The following STRIP2 variants were observed in gnomAD, a reference collection of about 807,000 sequenced individuals.
The protein encoded by STRIP2 is striatin interacting protein 2.
In STRIP2, 84 loss-of-function variants were observed where a neutral mutation model predicts 107.1. The ratio of observed to expected loss-of-function variants is 0.78; its 90% CI spans 0.66 to 0.94. STRIP2 has a LOEUF of 0.94. STRIP2 is among the 40% of genes least tolerant of loss of function. The pLI is 0.00. For missense variants in STRIP2, 888 were observed against 1,034.2 expected, an observed-to-expected ratio of 0.86 and a Z score of 1.94; for synonymous variants, 394 against 400.4, an observed-to-expected ratio of 0.98 and a Z score of 0.19.
At position 129,483,775 on chromosome 7, in the gene STRIP2, C is replaced by T. The variant is rs1157637142; in HGVS notation, c.2254+729C>T. ...TGTTTGTTTGTTTTTTTGAGAGGGT[C>T]GCTCTGTCACCCAGGCTGGAAAGCA... is the stretch of plus-strand genomic sequence containing the variant. On this transcript the variant is annotated intron_variant, in intron 20 of 20. Transcript: ENST00000249344. This position sits in a 1 kb window ranked among gnomAD's most constrained non-coding sequence, Gnocchi z 5.1. 3 of 152,120 alleles carry T rather than the reference C, an allele frequency of 2.0e-5. No homozygotes were observed. The highest frequency in any genetic ancestry group is 2.1e-4 in the South Asian group (1 of 4,810). The allele number at this position is 152,120 out of a possible 1,614,324, so 9.4% of individuals were successfully genotyped here.
At position 129,435,432 on chromosome 7, in the gene STRIP2, A is replaced by G. The variant is rs553450076; in HGVS notation, c.129+831A>G. Among the ~76,000 whole-genome samples, 43 of 152,338 alleles carry G rather than the reference A, an allele frequency of 2.8e-4. No individual in the cohort carries two copies. The South Asian group carries it at 2.9e-3, about 10-fold the overall frequency. ...ATCAGATGTGGCAGGGTCTGCAGATATCATCTGGTATAACCCTTTCATTTT... is the reference window on the plus strand; with the variant it reads ...ATCAGATGTGGCAGGGTCTGCAGATGTCATCTGGTATAACCCTTTCATTTT... On this transcript the variant is annotated intron_variant, in intron 1 of 20. Transcript: ENST00000249344.
chr7:129,460,780 C>T (rs1160389058), intron 13 of STRIP2, among the ~76,000 whole-genome samples: 1 of 152,140 alleles, frequency 6.6e-6, no homozygotes, highest in East Asian at 1.9e-4. Context: ...GGAAAGCAGG[C>T]TTAAGAGTGT....
chr7:129,456,406 T>C, intron 8 of STRIP2, 33 bp from the exon 9 acceptor site: 1 of 1,593,924 alleles, frequency 6.3e-7, no homozygotes, highest in Non-Finnish European at 8.6e-7. Context: ...CCTTCCTTCC[T>C]CTCTCTCTGC....
At chr7:129,440,801 C>T (rs947293419) in intron 2 of STRIP2, among the ~76,000 whole-genome samples, 1 of 152,250 alleles carries the variant, frequency 6.6e-6, no homozygotes, top group East Asian at 1.9e-4. Flanking sequence ...TATTAATAAA[C>T]AAGCTTTGGG....
chr7:129,439,600 G>T (rs1261454616), intron 1 of STRIP2, among the ~76,000 whole-genome samples: 1 of 152,146 alleles, frequency 6.6e-6, no homozygotes, highest in African/African-American at 2.4e-5. Flanking sequence ...ATGATCCACA[G>T]CATGAGACTT....
chr7:129,480,546 C>T (rs1799090677), intron 18 of STRIP2, among the ~76,000 whole-genome samples: 1 of 152,190 alleles, frequency 6.6e-6, no homozygotes, highest in South Asian at 2.1e-4. Flanking sequence ...GGTTCCTGTG[C>T]TCATGTATCA....
At chr7:129,452,367 G>T (rs1282281023) in intron 4 of STRIP2, among the ~76,000 whole-genome samples, 1 of 151,930 alleles carries the variant, frequency 6.6e-6, no homozygotes, top group Non-Finnish European at 1.5e-5. Context: ...CGTGTTAACA[G>T]AACCAACCAG....
At chr7:129,443,163 C>A (rs533433651) in intron 2 of STRIP2, among the ~76,000 whole-genome samples, 1 of 152,068 alleles carries the variant, frequency 6.6e-6, no homozygotes, top group East Asian at 1.9e-4. Flanking sequence ...CCTCAGCCTC[C>A]TAAGTAGCTA....
At position 129,458,623 on chromosome 7, in the gene STRIP2, T is replaced by C; in HGVS notation, c.1275-89T>C. ...TTTTTCCACTGCTCCAGTCCTCTGA[T>C]TGGAGGGATAGGAGCCCGGAAAGTT... On this transcript the variant is annotated intron_variant, in intron 10 of 20. Coordinates refer to ENST00000249344, the MANE Select transcript of STRIP2 (RefSeq NM_020704.3). This position sits in a 1 kb window ranked among gnomAD's most constrained non-coding sequence, Gnocchi z 4.6. 1.4e-6 allele frequency: 2 copies of C among 1,437,848 alleles called. No homozygotes were observed. The highest frequency in any genetic ancestry group is 9.7e-7 in the Non-Finnish European group (1 of 1,026,962). The allele number at this position is 1,437,848 out of a possible 1,614,324, so 89.1% of individuals were successfully genotyped here. A position where few individuals can be genotyped will look rare whatever the true frequency, so the allele number is the denominator to read the frequency against.
chr7:129,470,632 A>G lies in STRIP2; in HGVS notation c.1878-17A>G, dbSNP rs1227400286. 2.5e-6 allele frequency: 4 copies of G among 1,610,964 alleles called. No homozygotes were observed. In the South Asian group the frequency reaches 4.4e-5, roughly 18 times the overall value. ...TGCCATTTACCTAAAGCCTGTCCTT[A>G]TCTCTGCATCTTACAGCATCTCAGT... On this transcript the variant is annotated splice_polypyrimidine_tract_variant and intron_variant, in intron 17 of 20. Coordinates refer to ENST00000249344, the MANE Select transcript of STRIP2 (RefSeq NM_020704.3).
intron 1 of STRIP2, among the ~76,000 whole-genome samples, chr7:129,438,280 T>C (rs976794136): frequency 6.6e-6 from 1 of 152,176 alleles, no homozygotes; most frequent in Non-Finnish European, 1.5e-5. Flanking sequence ...TTGTTGCATA[T>C]AATAAAGGAA....
chr7:129,467,386 T>C lies in STRIP2; in HGVS notation c.1813T>C (p.Cys605Arg), dbSNP rs752346455. The C allele has an allele frequency of 6.2e-7, 1 of 1,613,896 alleles. No individual in the cohort carries two copies. Residue 605 changes from cysteine to arginine, a missense_variant, in exon 17 of 21, where the codon TGC (cysteine) becomes CGC (arginine). Coordinates refer to ENST00000249344, the MANE Select transcript of STRIP2 (RefSeq NM_020704.3). ...YVSQHLVFAN[C>R]IPLILKFFNQ... Reference sequence around the variant, plus strand: ...ATCGCAACATTTGGTATTTGCCAACTGCATCCCCTTGATCCTGAAGTTCTT... The same window carrying C: ...ATCGCAACATTTGGTATTTGCCAACCGCATCCCCTTGATCCTGAAGTTCTT...
chr7:129,445,845 C>T (rs1798019678), intron 3 of STRIP2, among the ~76,000 whole-genome samples: 1 of 152,064 alleles, frequency 6.6e-6, no homozygotes, highest in African/African-American at 2.4e-5. Flanking sequence ...TCCATGAGTC[C>T]ATGGATGGTA....
chr7:129,454,198 GCA>G lies in STRIP2; in HGVS notation c.590_591del (p.Thr197ArgfsTer37), dbSNP rs1378312058. On this transcript the variant is annotated frameshift_variant, in exon 6 of 21. Transcript: ENST00000249344. LOFTEE classifies it high-confidence loss of function. ...AAACCAGCTGTCTCCATAGCTGATA[GCA>G]CAGAGCTCAGGTGAGTGGGGCTAAC... The G allele has an allele frequency of 6.2e-7, 1 of 1,614,156 alleles. No homozygotes were observed. Among genetic ancestry groups the G allele is most frequent in the Non-Finnish European group, 8.5e-7 (1 of 1,180,006 alleles).
intron 1 of STRIP2, among the ~76,000 whole-genome samples, 159 bp from the exon 2 acceptor site, chr7:129,439,863 T>TAC (rs1387553810): frequency 2.0e-5 from 3 of 152,178 alleles, no homozygotes; most frequent in Non-Finnish European, 4.4e-5. Context: ...TGGCGTAGGG[T>TAC]ACCTCTGAGA....
rs1359410366 is a variant in STRIP2, at chr7:129,459,588, G to C, written c.1404+8G>C. 2 of 1,612,642 alleles carry C rather than the reference G, an allele frequency of 1.2e-6. No individual in the cohort carries two copies. The highest frequency in any genetic ancestry group is 1.1e-5 in the South Asian group (1 of 91,032). On this transcript the variant is annotated splice_region_variant and intron_variant, in intron 12 of 20. Transcript: ENST00000249344. ...GTGAAGACCCTAAAGCAGGTGACTG[G>C]GGTGGGCTCTCAGTCTTCAGGGATA...
intron 13 of STRIP2, 52 bp from the exon 14 acceptor site, chr7:129,462,914 C>A: frequency 1.3e-6 from 2 of 1,511,242 alleles, no homozygotes; most frequent in Non-Finnish European, 9.2e-7. Flanking sequence ...GAAAAAAAAG[C>A]CTTTGGTCAC....
chr7:129,472,775 CCTTTTTTTTTTT>C (rs1279132501), intron 18 of STRIP2, among the ~76,000 whole-genome samples: 4 of 68,904 alleles, frequency 5.8e-5, no homozygotes, highest in Non-Finnish European at 1.0e-4. Flanking sequence ...CTTTTCTTTT[CCTTTTTTTTTTT>C]TTTTTTTTTT....
intron 14 of STRIP2, among the ~76,000 whole-genome samples, chr7:129,463,835 C>T (rs917064478): frequency 6.6e-6 from 1 of 152,202 alleles, no homozygotes; most frequent in Non-Finnish European, 1.5e-5. Flanking sequence ...CAATGCACTC[C>T]CTCTGGCTTT....
Sources: allele counts gnomAD v4.1 joint callset (sites outside exome capture counted in the v4.1 genomes callset), GRCh38; gene constraint gnomAD v4.1.1; non-coding constraint Gnocchi (gnomAD v3.1); transcripts MANE v1.5; gene names NCBI Gene and HGNC (gene_info 2026-07-23, HGNC 2026-07-21).